The following PCMTD1 variants were observed in gnomAD, a reference collection of about 807,000 sequenced individuals.
The protein encoded by PCMTD1 is protein-L-isoaspartate O-methyltransferase domain-containing protein 1.
In PCMTD1, 12 loss-of-function variants were observed where a neutral mutation model predicts 37.6. The observed-to-expected ratio is 0.32, with a 90% CI of 0.20 to 0.52. The LOEUF (loss-of-function observed/expected upper bound fraction) is 0.52. Among genes scored for constraint, PCMTD1 ranks in the 20% least tolerant of loss-of-function variants. The pLI, the probability that PCMTD1 is intolerant of heterozygous loss-of-function variation, is 0.97. For synonymous variants in PCMTD1, 117 were observed against 135.8 expected, an observed-to-expected ratio of 0.86 and a Z score of 0.96; for missense variants, 235 against 421.3, an observed-to-expected ratio of 0.56 and a Z score of 3.87.
At chr8:51,873,114 G>C (rs1454669236) in intron 1 of PCMTD1, among the ~76,000 whole-genome samples, 2 of 152,080 alleles carry the variant, frequency 1.3e-5, no homozygotes, top group East Asian at 3.8e-4. Flanking sequence ...AAACAAAATA[G>C]CTAAAGTATT....
chr8:51,896,387 A>G (rs1438098274), intron 1 of PCMTD1: 1 of 152,234 alleles, frequency 6.6e-6, no homozygotes, highest in Non-Finnish European at 1.5e-5. Flanking sequence ...TAATTACATA[A>G]GTAAATTTTA....
intron 2 of PCMTD1, among the ~76,000 whole-genome samples, chr8:51,853,874 G>A (rs2129284045): frequency 6.6e-6 from 1 of 152,042 alleles, no homozygotes; most frequent in Admixed American, 6.6e-5. Context: ...CCTTAGCTAG[G>A]AAGATGCAAA....
At chr8:51,882,838 T>G (rs145861631) in intron 1 of PCMTD1, among the ~76,000 whole-genome samples, 11 of 132,890 alleles carry the variant, frequency 8.3e-5, no homozygotes, top group African/African-American at 2.5e-4. Flanking sequence ...AAAAAAGAAA[T>G]AAAAAACGGC....
In PCMTD1 at chr8:51,885,764, T is replaced by A. The variant is rs146671582; in HGVS notation, c.-96+13166A>T. On this transcript the variant is annotated intron_variant, in intron 1 of 5. Coordinates refer to ENST00000522514, the MANE Select transcript of PCMTD1 (RefSeq NM_052937.4). ...GCCACTGTATTAAAATGCAATACAC[T>A]CAACACCACAGAAGAGTGGTAACTG... 5.5e-3 allele frequency among the ~76,000 whole-genome samples: 830 copies of A among 152,252 alleles called. 3 individuals carry two copies. Among genetic ancestry groups the A allele is most frequent in the Non-Finnish European group, 9.2e-3 (629 of 68,032 alleles).
At chr8:51,831,349 T>A in intron 5 of PCMTD1, 95 bp downstream of exon 5, 2 of 1,282,432 alleles carry the variant, frequency 1.6e-6, no homozygotes, top group Non-Finnish European at 1.1e-6. Flanking sequence ...TGCATAAGTA[T>A]TTAATTCTTC....
chr8:51,836,328 CA>C (rs1468583722), intron 3 of PCMTD1, among the ~76,000 whole-genome samples: 2 of 152,130 alleles, frequency 1.3e-5, no homozygotes, highest in Non-Finnish European at 2.9e-5. Context: ...CTTTTTAGAA[CA>C]ATGTAAAATA....
intron 1 of PCMTD1, among the ~76,000 whole-genome samples, chr8:51,865,575 C>A (rs2038542796): frequency 6.6e-6 from 1 of 151,696 alleles, no homozygotes; most frequent in South Asian, 2.1e-4. Context: ...GGACAAAAAC[C>A]CTATGATCAT....
intron 1 of PCMTD1, among the ~76,000 whole-genome samples, chr8:51,876,739 G>A (rs1200101955): frequency 1.3e-5 from 2 of 152,184 alleles, no homozygotes; most frequent in Non-Finnish European, 2.9e-5. Context: ...ATCTAAACAA[G>A]AGATTGATGA....
rs188191524 is a variant in PCMTD1 at position 51,880,146 on chromosome 8, G to A, written c.-96+18784C>T. On this transcript the variant is annotated intron_variant, in intron 1 of 5. Transcript: ENST00000522514. ...GACCAGGAGTTTGAGGTTACAGTGA[G>A]CTACAATAGCACCACTGCACTCCAG... 6.2e-4 allele frequency among the ~76,000 whole-genome samples: 94 copies of A among 151,846 alleles called. No individual in the cohort carries two copies. In the East Asian group the frequency reaches 0.012, roughly 19 times the overall value.
At chr8:51,838,202 G>A (rs1563340300) in intron 3 of PCMTD1, among the ~76,000 whole-genome samples, 1 of 152,240 alleles carries the variant, frequency 6.6e-6, no homozygotes, top group East Asian at 1.9e-4. Flanking sequence ...AATTTTTCAG[G>A]TAGGCCAGGT....
intron 2 of PCMTD1, among the ~76,000 whole-genome samples, chr8:51,855,221 T>A (rs1334984566): frequency 2.4e-4 from 14 of 58,138 alleles, no homozygotes; most frequent in Admixed American, 2.6e-4. Context: ...TTATAATTCC[T>A]AAAAAGAAAA....
chr8:51,827,743 A>C (rs2037941345), intron 5 of PCMTD1, among the ~76,000 whole-genome samples: 1 of 152,144 alleles, frequency 6.6e-6, no homozygotes, highest in Non-Finnish European at 1.5e-5. Flanking sequence ...CCACCCCCAG[A>C]TTATTTTGAT....
At chr8:51,854,454 C>G (rs185186951) in intron 2 of PCMTD1, among the ~76,000 whole-genome samples, 1 of 152,160 alleles carries the variant, frequency 6.6e-6, no homozygotes, top group Non-Finnish European at 1.5e-5. Flanking sequence ...TGCCCAGAAG[C>G]CTAACTAGGA....
intron 1 of PCMTD1, among the ~76,000 whole-genome samples, chr8:51,873,621 G>A (rs1441844039): frequency 6.6e-6 from 1 of 152,084 alleles, no homozygotes; most frequent in Non-Finnish European, 1.5e-5. Context: ...TCGTGGAAGT[G>A]GATCTCTCCT....
chr8:51,872,045 A>G (rs2038646938), intron 1 of PCMTD1, among the ~76,000 whole-genome samples: 1 of 152,344 alleles, frequency 6.6e-6, no homozygotes, highest in African/African-American at 2.4e-5. Flanking sequence ...GAACTCCAAG[A>G]TAGAGAAACA....
chr8:51,852,660 GGA>G (rs2038325060), intron 2 of PCMTD1, among the ~76,000 whole-genome samples: 1 of 152,130 alleles, frequency 6.6e-6, no homozygotes. Flanking sequence ...GTAAAATATA[GGA>G]GAGGAAGAGA....
intron 1 of PCMTD1, among the ~76,000 whole-genome samples, chr8:51,889,999 C>CAAA (rs5891439): frequency 1.2e-5 from 1 of 80,116 alleles, no homozygotes; most frequent in Non-Finnish European, 3.3e-5. Flanking sequence ...AAGTCCTTAA[C>CAAA]AAAAAAAAAA....
chr8:51,861,771 G>A (rs2038474119), intron 1 of PCMTD1, among the ~76,000 whole-genome samples: 1 of 151,494 alleles, frequency 6.6e-6, no homozygotes, highest in South Asian at 2.1e-4. Flanking sequence ...ACCCAGGCTG[G>A]AGTACAGTGG....
Position 51,818,003 on chromosome 8 carries a change from C to G in PCMTD1, c.*2348G>C. ...AAAATTCCAATACTATATTCCCCAT[C>G]ATTTTCACTTACTTTTACTTAATCT... On this transcript the variant is annotated 3_prime_UTR_variant, in exon 6 of 6. Coordinates refer to ENST00000522514, the MANE Select transcript of PCMTD1 (RefSeq NM_052937.4). 2.2e-6 allele frequency: 1 copy of G among 453,048 alleles called. No individual in the cohort carries two copies. The highest frequency in any genetic ancestry group is 7.0e-5 in the East Asian group (1 of 14,238). 28.1% of individuals were successfully genotyped at this position (453,048 alleles called of 1,614,324 possible).
Sources: gnomAD v4.1 joint callset for allele counts (sites outside exome capture counted in the v4.1 genomes callset) on GRCh38, gnomAD v4.1.1 for gene constraint, MANE v1.5 for transcripts, NCBI Gene and HGNC (gene_info 2026-07-23, HGNC 2026-07-21) for gene names.